The following ACVR1C variants were observed in gnomAD, a reference collection of about 807,000 sequenced individuals.
ACVR1C encodes the protein activin A receptor type 1C.
A neutral mutation model predicts 57.9 loss-of-function variants in ACVR1C; 23 were observed. The ratio of observed to expected loss-of-function variants is 0.40; its 90% CI spans 0.29 to 0.56. The LOEUF is 0.56. ACVR1C is among the 20% of genes least tolerant of loss of function. The probability of loss-of-function intolerance (pLI) is 0.50; values close to 1 mark genes in which losing one functional copy is unlikely to be tolerated. For missense variants in ACVR1C, 480 were observed against 607.9 expected, an observed-to-expected ratio of 0.79 and a Z score of 2.21; for synonymous variants, 214 against 215.3, an observed-to-expected ratio of 0.99 and a Z score of 0.05.
At chr2:157,584,259 T>C (rs907112948) in intron 2 of ACVR1C, among the ~76,000 whole-genome samples, 2 of 151,720 alleles carry the variant, frequency 1.3e-5, no homozygotes, top group African/African-American at 4.8e-5. Context: ...CCCACCACCA[T>C]GCCCGGCTAA....
intron 1 of ACVR1C, among the ~76,000 whole-genome samples, chr2:157,603,589 A>G (rs1682327909): frequency 6.6e-6 from 1 of 152,072 alleles, no homozygotes; most frequent in Admixed American, 6.6e-5. Flanking sequence ...AAGTGCTTTC[A>G]CCTAAAAGAA....
intron 4 of ACVR1C, among the ~76,000 whole-genome samples, chr2:157,547,552 A>G (rs1687794893): frequency 7.0e-6 from 1 of 143,834 alleles, no homozygotes; most frequent in Non-Finnish European, 1.5e-5. Context: ...TTTGATTTGC[A>G]TTTCTCTGAT....
At chr2:157,564,403 A>G (rs1354976208) in intron 2 of ACVR1C, among the ~76,000 whole-genome samples, 2 of 152,210 alleles carry the variant, frequency 1.3e-5, no homozygotes, top group East Asian at 3.9e-4. Flanking sequence ...CAAAACCACA[A>G]TGAGATACCA....
Position 157,628,637 on chromosome 2 carries a change from C to G in ACVR1C, c.8G>C (p.Arg3Pro), listed in dbSNP as rs1326066633. 1 of 1,582,888 alleles carries G rather than the reference C, an allele frequency of 6.3e-7. No homozygotes were observed. The highest frequency in any genetic ancestry group is 8.6e-7 in the Non-Finnish European group (1 of 1,166,166). Reference protein sequence around the residue: MTRALCSALRQAL... With the variant: MTPALCSALRQAL... ...CTGGCGGAGCGCTGAGCAGAGCGCCCGGGTCATCGCCACCAGGCGGCCGCG... is the reference window on the plus strand; with the variant it reads ...CTGGCGGAGCGCTGAGCAGAGCGCCGGGGTCATCGCCACCAGGCGGCCGCG... The change falls in exon 1 of 9, where the codon CGG becomes CCG. Residue 3 changes from arginine to proline, a missense_variant. Arg to Pro is a moderately radical substitution (Grantham distance 103, BLOSUM62 -2). Transcript: ENST00000243349.
chr2:157,573,167 G>C (rs914301789), intron 2 of ACVR1C, among the ~76,000 whole-genome samples: 1 of 151,992 alleles, frequency 6.6e-6, no homozygotes, highest in Non-Finnish European at 1.5e-5. Flanking sequence ...TAATGTTTTG[G>C]CAGTTTATCT....
Position 157,530,677 on chromosome 2 carries a change from T to C in ACVR1C, c.*3241A>G, listed in dbSNP as rs1436869079. On this transcript the variant is annotated 3_prime_UTR_variant, in exon 9 of 9. Transcript: ENST00000243349. ...ATCATGGAAATTTAAAATGCAAAGT[T>C]AATTGAAAGTATAAAGATGAAAAGC... 1 of 152,088 alleles carries C rather than the reference T, an allele frequency of 6.6e-6. No individual in the cohort carries two copies. The highest frequency in any genetic ancestry group is 1.5e-5 in the Non-Finnish European group (1 of 67,988). The allele number at this position is 152,088 out of a possible 1,614,324, so 9.4% of individuals were successfully genotyped here.
intron 1 of ACVR1C, among the ~76,000 whole-genome samples, chr2:157,625,509 A>T (rs1053747095): frequency 1.3e-4 from 19 of 151,222 alleles, no homozygotes; most frequent in Non-Finnish European, 2.5e-4. Flanking sequence ...TTATAAACTC[A>T]GTCAGCCCTG....
At chr2:157,535,298 T>C (rs144352327) in intron 8 of ACVR1C, among the ~76,000 whole-genome samples, 5 of 152,070 alleles carry the variant, frequency 3.3e-5, no homozygotes, top group African/African-American at 7.2e-5. Flanking sequence ...CCTTTAAACA[T>C]TGCAGTAAAC....
At chr2:157,623,714 A>C (rs1682836857) in intron 1 of ACVR1C, among the ~76,000 whole-genome samples, 1 of 152,184 alleles carries the variant, frequency 6.6e-6, no homozygotes, top group African/African-American at 2.4e-5. Context: ...ATAGTCAGTA[A>C]TAATTACATA....
chr2:157,592,719 C>A (rs559325517), intron 1 of ACVR1C, among the ~76,000 whole-genome samples: 1 of 152,056 alleles, frequency 6.6e-6, no homozygotes, highest in Non-Finnish European at 1.5e-5. Context: ...CAACATAGAA[C>A]CTTTGTGCTG....
intron 1 of ACVR1C, among the ~76,000 whole-genome samples, chr2:157,603,918 AT>A (rs1237234342): frequency 6.6e-6 from 1 of 152,142 alleles, no homozygotes; most frequent in African/African-American, 2.4e-5. Context: ...TGGCAAAAAA[AT>A]AGTACAGGAA....
At chr2:157,608,428 AT>A (rs1239484449) in intron 1 of ACVR1C, among the ~76,000 whole-genome samples, 1 of 151,846 alleles carries the variant, frequency 6.6e-6, no homozygotes, top group Non-Finnish European at 1.5e-5. Context: ...TTCATCAGGG[AT>A]ATTGGCATGT....
Position 157,542,837 on chromosome 2 carries a change from G to C in ACVR1C, c.969C>G (p.Asp323Glu), listed in dbSNP as rs1465549730. The C allele has an allele frequency of 6.2e-7, 1 of 1,613,792 alleles. No homozygotes were observed. The highest frequency in any genetic ancestry group is 8.5e-7 in the Non-Finnish European group (1 of 1,179,920). The part of the protein sequence containing the change: ...TQGKPAIAHR[D>E]IKSKNILVKK... ...TCACTAAGATATTCTTTGATTTTAT[G>C]TCTCGATGAGCAATAGCAGGTTTAC... is the stretch of plus-strand genomic sequence containing the variant. Residue 323 changes from aspartate (D) to glutamate (E), a missense_variant, in exon 6 of 9, where the codon GAC becomes GAG. Coordinates refer to ENST00000243349, the MANE Select transcript of ACVR1C (RefSeq NM_145259.3).
intron 1 of ACVR1C, among the ~76,000 whole-genome samples, chr2:157,606,711 C>G: frequency 6.6e-6 from 1 of 151,560 alleles, no homozygotes; most frequent in East Asian, 1.9e-4. Context: ...GGATATTAGT[C>G]CCCTGTCAAA....
At chr2:157,604,682 A>G (rs932647423) in intron 1 of ACVR1C, among the ~76,000 whole-genome samples, 3 of 151,894 alleles carry the variant, frequency 2.0e-5, no homozygotes, top group Non-Finnish European at 4.4e-5. Context: ...ATCATTTTAC[A>G]TTTCCACCAG....
chr2:157,628,711 G>A lies in ACVR1C; in HGVS notation c.-67C>T, dbSNP rs913017108. ...AGAGCGAGGCAGCCGGGGCAGCACG[G>A]CCCGCTTTGAAGTTCCCGGGCCGCG... is the stretch of plus-strand genomic sequence containing the variant. On this transcript the variant is annotated 5_prime_UTR_variant, in exon 1 of 9. Coordinates refer to ENST00000243349, the MANE Select transcript of ACVR1C (RefSeq NM_145259.3). 390 of 1,378,144 alleles carry A rather than the reference G, an allele frequency of 2.8e-4. No individual in the cohort carries two copies. Among genetic ancestry groups the A allele is most frequent in the Non-Finnish European group, 3.4e-4 (361 of 1,049,142 alleles). The allele number at this position is 1,378,144 out of a possible 1,614,324, so 85.4% of individuals were successfully genotyped here.
At chr2:157,585,266 C>T (rs1688891285) in intron 2 of ACVR1C, among the ~76,000 whole-genome samples, 1 of 152,128 alleles carries the variant, frequency 6.6e-6, no homozygotes, top group South Asian at 2.1e-4. Context: ...TCCCACTGTT[C>T]ATCACACATA....
chr2:157,625,466 AAAG>A (rs543478733), intron 1 of ACVR1C, among the ~76,000 whole-genome samples: 82 of 152,302 alleles, frequency 5.4e-4, no homozygotes, highest in African/African-American at 1.7e-3. Context: ...GACTATGCTT[AAAG>A]AAGGGCAAAG....
chr2:157,576,389 A>G (rs1482923271), intron 2 of ACVR1C, among the ~76,000 whole-genome samples: 1 of 151,854 alleles, frequency 6.6e-6, no homozygotes, highest in Non-Finnish European at 1.5e-5. Context: ...TATTTTTAGT[A>G]CAGACAGGAT....
Sources: gnomAD v4.1 joint callset for allele counts (sites outside exome capture counted in the v4.1 genomes callset) on GRCh38, gnomAD v4.1.1 for gene constraint, MANE v1.5 for transcripts, NCBI Gene and HGNC (gene_info 2026-07-23, HGNC 2026-07-21) for gene names.